DSCAM: variants seen among roughly 807,000 people sequenced by gnomAD.
DSCAM encodes the protein cell adhesion molecule DSCAM.
Under a neutral mutation model 217.7 loss-of-function variants are expected in DSCAM, and 47 were observed. The ratio of observed to expected loss-of-function variants is 0.22; its 90% CI spans 0.17 to 0.28. The LOEUF is 0.28. Ranked by LOEUF, DSCAM falls within the 10% of genes least tolerant of loss-of-function variation. DSCAM has a pLI of 1.00. For missense variants in DSCAM, 2,080 were observed against 2,618.3 expected (o/e 0.79, Z 4.49); for synonymous variants, 1,056 against 1,015.3 (o/e 1.04, Z -0.76).
chr21:40,590,323 T>C (rs940429475), intron 3 of DSCAM, among the ~76,000 whole-genome samples: 1 of 152,250 alleles, frequency 6.6e-6, no homozygotes, highest in Admixed American at 6.5e-5. Flanking sequence ...GTCCACTTTC[T>C]TAACCCATGC....
At chr21:40,214,735 C>CAAAAAAAAAAAAAAAAAAAAAAAAA (rs1209648217) in intron 11 of DSCAM, among the ~76,000 whole-genome samples, 2 of 67,854 alleles carry the variant, frequency 2.9e-5, no homozygotes, top group African/African-American at 4.0e-5. Flanking sequence ...GCAACAACAG[C>CAAAAAAAAAAAAAAAAAAAAAAAAA]AAAAAAAAAA....
At chr21:40,351,871 G>T (rs985428090) in intron 5 of DSCAM, among the ~76,000 whole-genome samples, 1 of 152,190 alleles carries the variant, frequency 6.6e-6, no homozygotes, top group Admixed American at 6.5e-5. Flanking sequence ...GTGGATGGAG[G>T]CTAAGAGAGT....
chr21:40,320,115 G>C (rs1392043804), intron 8 of DSCAM, among the ~76,000 whole-genome samples: 1 of 152,274 alleles, frequency 6.6e-6, no homozygotes, highest in Admixed American at 6.5e-5. Flanking sequence ...GTGATGGGTT[G>C]AGAGGTGCAG....
At chr21:40,208,284 C>G (rs1274786058) in intron 11 of DSCAM, among the ~76,000 whole-genome samples, 1 of 152,142 alleles carries the variant, frequency 6.6e-6, no homozygotes, top group Admixed American at 6.5e-5. Flanking sequence ...GAAACCTGAT[C>G]TCTACTAAAA....
intron 1 of DSCAM, among the ~76,000 whole-genome samples, chr21:40,772,323 C>T (rs756417616): frequency 2.0e-5 from 3 of 152,164 alleles, no homozygotes; most frequent in African/African-American, 4.8e-5. Context: ...CACCCGTCAC[C>T]GTGCCTGGCT....
intron 1 of DSCAM, among the ~76,000 whole-genome samples, chr21:40,768,094 G>C (rs571139233): frequency 6.6e-6 from 1 of 152,180 alleles, no homozygotes; most frequent in African/African-American, 2.4e-5. Flanking sequence ...TGTTAAAGTC[G>C]ATTTTAGGGA....
At chr21:40,582,980 C>T (rs1436624559) in intron 3 of DSCAM, among the ~76,000 whole-genome samples, 2 of 151,938 alleles carry the variant, frequency 1.3e-5, no homozygotes, top group Admixed American at 6.6e-5. Context: ...AAAGTCATTA[C>T]TAGATGAGAG....
At chr21:40,649,355 C>T (rs957504364) in intron 3 of DSCAM, among the ~76,000 whole-genome samples, 2 of 152,184 alleles carry the variant, frequency 1.3e-5, no homozygotes, top group African/African-American at 4.8e-5. Context: ...CACCTCTGTC[C>T]ACCTCCAAGA....
rs529705272 is a variant in DSCAM, at chr21:40,800,872, C to T, written c.43+45747G>A. On this transcript the variant is annotated intron_variant, in intron 1 of 32. Transcript: ENST00000400454. ...CTTGGATTACAGGCACACACCACCA[C>T]GCCCAACTAATTTTTGTATTTTTAA... 6.6e-5 allele frequency among the ~76,000 whole-genome samples: 10 copies of T among 151,882 alleles called. No homozygotes were observed. The South Asian group carries it at 1.2e-3, about 19-fold the overall frequency.
At chr21:40,219,704 T>C (rs559886584) in intron 11 of DSCAM, among the ~76,000 whole-genome samples, 12 of 152,214 alleles carry the variant, frequency 7.9e-5, no homozygotes, top group Non-Finnish European at 1.5e-4. Flanking sequence ...TAAATATTTG[T>C]GCATCTCTGC....
intron 3 of DSCAM, among the ~76,000 whole-genome samples, chr21:40,374,801 T>C (rs1236081262): frequency 1.3e-5 from 2 of 152,212 alleles, no homozygotes; most frequent in Non-Finnish European, 2.9e-5. Context: ...GGCGGCTGTC[T>C]GCAATCCAGG....
intron 3 of DSCAM, among the ~76,000 whole-genome samples, chr21:40,425,814 TACAC>T (rs1036247847): frequency 6.6e-6 from 1 of 152,034 alleles, no homozygotes; most frequent in Non-Finnish European, 1.5e-5. Flanking sequence ...AGCATGTATA[TACAC>T]ACACACATGC....
At chr21:40,353,860 A>T in intron 4 of DSCAM, 117 bp from the exon 5 acceptor site, 1 of 914,628 alleles carries the variant, frequency 1.1e-6, no homozygotes, top group Non-Finnish European at 1.5e-6. Flanking sequence ...ATTGATACAG[A>T]TCTTTAAGAT....
chr21:40,269,894 T>C (rs2073593151), intron 11 of DSCAM, among the ~76,000 whole-genome samples: 1 of 152,200 alleles, frequency 6.6e-6, no homozygotes, highest in Non-Finnish European at 1.5e-5. Context: ...TATGGTCATA[T>C]AAGGTACTGG....
intron 2 of DSCAM, among the ~76,000 whole-genome samples, chr21:40,704,676 A>G (rs552026523): frequency 6.6e-6 from 1 of 152,266 alleles, no homozygotes; most frequent in South Asian, 2.1e-4. Context: ...CGATCCCATC[A>G]CTGCACTCCG....
intron 3 of DSCAM, among the ~76,000 whole-genome samples, chr21:40,574,622 G>T (rs2146209340): frequency 6.6e-6 from 1 of 151,710 alleles, no homozygotes; most frequent in South Asian, 2.1e-4. Context: ...CATTGTTCAA[G>T]AAGTCTTAGG....
intron 3 of DSCAM, among the ~76,000 whole-genome samples, chr21:40,580,328 T>G (rs1325447649): frequency 6.6e-6 from 1 of 151,864 alleles, no homozygotes; most frequent in African/African-American, 2.4e-5. Flanking sequence ...AGGTCATGAG[T>G]TGAAGACCAG....
In DSCAM at chr21:40,252,260, CAT is replaced by C. The variant is rs1465476329; in HGVS notation, c.2356+23835_2356+23836del. On this transcript the variant is annotated intron_variant, in intron 11 of 32. Transcript: ENST00000400454. ...AGATAATAAAATCAGACCTTTATGC[CAT>C]AAAGTATGCATGGGTGGCCCTAATC... Among the ~76,000 whole-genome samples, 8 of 152,176 alleles carry C rather than the reference CAT, an allele frequency of 5.3e-5. No homozygotes were observed. The East Asian group carries it at 1.5e-3, about 29-fold the overall frequency.
chr21:40,648,203 A>C (rs34783617), intron 3 of DSCAM, among the ~76,000 whole-genome samples: 1 of 151,978 alleles, frequency 6.6e-6, no homozygotes, highest in African/African-American at 2.4e-5. Flanking sequence ...GCACAAATAC[A>C]TAAATTAGTA....
Sources: allele counts gnomAD v4.1 joint callset (sites outside exome capture counted in the v4.1 genomes callset), GRCh38; gene constraint gnomAD v4.1.1; transcripts MANE v1.5; gene names NCBI Gene and HGNC (gene_info 2026-07-23, HGNC 2026-07-21).